Variants in TTLL7 observed in about 807,000 individuals in gnomAD.
TTLL7 encodes tubulin tyrosine ligase like 7, also known as tubulin polyglutamylase TTLL7.
A neutral mutation model predicts 120.2 loss-of-function variants in TTLL7; 53 were observed. The ratio of observed to expected loss-of-function variants is 0.44; its 90% CI spans 0.35 to 0.55. TTLL7 has a LOEUF of 0.55. Ranked by LOEUF, TTLL7 falls within the 20% of genes least tolerant of loss-of-function variation. The pLI, the probability that TTLL7 is intolerant of heterozygous loss-of-function variation, is 0.00. For synonymous variants in TTLL7, 353 were observed against 351.7 expected (o/e 1.00, Z -0.04); for missense variants, 803 against 1,054.7 (o/e 0.76, Z 3.31).
At chr1:83,874,862 G>C (rs1653782797) in intron 20 of TTLL7, among the ~76,000 whole-genome samples, 1 of 151,854 alleles carries the variant, frequency 6.6e-6, no homozygotes, top group Non-Finnish European at 1.5e-5. Flanking sequence ...CAATGAAATA[G>C]CGTACATGAA....
At chr1:83,988,253 T>C (rs1057210686) in intron 1 of TTLL7, among the ~76,000 whole-genome samples, 2 of 152,258 alleles carry the variant, frequency 1.3e-5, no homozygotes, top group African/African-American at 2.4e-5. Flanking sequence ...GGTGTATATG[T>C]ACCACATTTT....
intron 20 of TTLL7, among the ~76,000 whole-genome samples, chr1:83,881,552 C>A (rs987590254): frequency 3.3e-5 from 5 of 152,176 alleles, no homozygotes; most frequent in Admixed American, 2.0e-4. Context: ...CATCTCACAC[C>A]AGTTAGAATG....
At position 83,887,387 on chromosome 1, in the gene TTLL7, G is replaced by A. The variant is rs1418755809; in HGVS notation, c.2369+2934C>T. On this transcript the variant is annotated intron_variant, in intron 19 of 20. Coordinates refer to ENST00000260505, the MANE Select transcript of TTLL7 (RefSeq NM_024686.6). ...GGCCTTCGGACCAAAGGTTAAAGGA[G>A]TATACATTGAGAAGGCATGATTCAA... The A allele has an allele frequency of 1.4e-5, 4 of 295,646 alleles. No individual in the cohort carries two copies. In the Admixed American group the frequency reaches 1.9e-4, roughly 14 times the overall value. The allele number at this position is 295,646 out of a possible 1,614,324, so 18.3% of individuals were successfully genotyped here.
chr1:83,969,667 T>C (rs1431455991), intron 1 of TTLL7, among the ~76,000 whole-genome samples: 3 of 151,994 alleles, frequency 2.0e-5, no homozygotes, highest in African/African-American at 7.2e-5. Context: ...GTCTAAAATG[T>C]TGAAGCACAT....
rs770390715 is a variant in TTLL7, at chr1:83,882,993, G to C, written c.2513C>G (p.Ser838Ter). ...ATTACCCCAGTCAGGACCAATGCCT[G>C]AAAGTGATCCTCTTTTGTCAGTTGC... ...KYATDKRGSLSGIGPDWGNSR... is the reference protein window; with the variant it reads ...KYATDKRGSL The change falls in exon 20 of 21, where the codon TCA (serine) becomes TGA (stop). Residue 838 changes from serine to a stop codon, truncating the protein, a stop_gained. Coordinates refer to ENST00000260505, the MANE Select transcript of TTLL7 (RefSeq NM_024686.6). LOFTEE classifies it high-confidence loss of function. 6.2e-7 allele frequency: 1 copy of C among 1,612,530 alleles called. No individual in the cohort carries two copies.
At chr1:83,945,413 A>T (rs1355349030) in intron 6 of TTLL7, among the ~76,000 whole-genome samples, 2 of 152,360 alleles carry the variant, frequency 1.3e-5, no homozygotes, top group East Asian at 3.9e-4. Context: ...AAAAATATGT[A>T]ACAATTGGAA....
At chr1:83,967,220 T>C (rs1650546934) in intron 1 of TTLL7, among the ~76,000 whole-genome samples, 1 of 152,084 alleles carries the variant, frequency 6.6e-6, no homozygotes, top group Non-Finnish European at 1.5e-5. Flanking sequence ...GGATCTTAGA[T>C]GTGATTTTTA....
rs951296770 is a variant in TTLL7 at position 83,870,011 on chromosome 1, C to G, written c.2615G>C (p.Gly872Ala). The G allele has an allele frequency of 5.0e-6, 8 of 1,589,340 alleles. No individual in the cohort carries two copies. Among genetic ancestry groups the G allele is most frequent in the African/African-American group, 2.7e-5 (2 of 73,402 alleles). ...AAACAAAACATTGGAGCGAGTCATT[C>G]CAGGTGAATTGTACTTCAAGTTGTA... ...PTYNLKYNSP[G>A]MTRSNVLFTS... The change falls in exon 21 of 21, where the codon GGA becomes GCA. Residue 872 changes from glycine to alanine, a missense_variant. Coordinates refer to ENST00000260505, the MANE Select transcript of TTLL7 (RefSeq NM_024686.6).
At chr1:83,950,329 C>CT (rs1261755494) in intron 3 of TTLL7, among the ~76,000 whole-genome samples, 1 of 152,064 alleles carries the variant, frequency 6.6e-6, no homozygotes, top group East Asian at 1.9e-4. Context: ...CTTTTTATAG[C>CT]TTTTTTTATG....
intron 1 of TTLL7, among the ~76,000 whole-genome samples, chr1:83,964,623 C>A (rs1006658183): frequency 6.6e-6 from 1 of 152,052 alleles, no homozygotes. Context: ...ATACATTTTT[C>A]TTTCAGAGAA....
Position 83,890,426 on chromosome 1 carries a change from A to G in TTLL7, c.2264T>C (p.Val755Ala). The G allele has an allele frequency of 6.2e-7, 1 of 1,613,244 alleles. No homozygotes were observed. The highest frequency in any genetic ancestry group is 8.5e-7 in the Non-Finnish European group (1 of 1,179,474). The change falls in exon 19 of 21, where the codon GTG becomes GCG. Residue 755 changes from valine to alanine, a missense_variant. Coordinates refer to ENST00000260505, the MANE Select transcript of TTLL7 (RefSeq NM_024686.6). ...IRTVLPRIWK[V>A]PDVEEVNLYR... ...TAAATTTACTTCTTCAACATCAGGC[A>G]CCTTCCAGATGCGTGGAAGAACTGT...
chr1:83,937,178 C>A (rs1647475105), intron 8 of TTLL7, among the ~76,000 whole-genome samples: 1 of 151,548 alleles, frequency 6.6e-6, no homozygotes, highest in African/African-American at 2.4e-5. Context: ...CATTGTATTA[C>A]AATCGCCTAC....
chr1:83,921,178 T>C lies in TTLL7; in HGVS notation c.1291-18A>G. The C allele has an allele frequency of 6.2e-7, 1 of 1,609,912 alleles. No homozygotes were observed. Among genetic ancestry groups the C allele is most frequent in the Non-Finnish European group, 8.5e-7 (1 of 1,178,928 alleles). On this transcript the variant is annotated intron_variant, in intron 11 of 20. Coordinates refer to ENST00000260505, the MANE Select transcript of TTLL7 (RefSeq NM_024686.6). ...CTCTCTTTCTGGAAATGAGAAAAAT[T>C]TTACAAATAAAATCCAACAAGTGAA...
chr1:83,871,868 G>T (rs1414200418), intron 20 of TTLL7, among the ~76,000 whole-genome samples: 1 of 138,742 alleles, frequency 7.2e-6, no homozygotes, highest in Non-Finnish European at 1.5e-5. Flanking sequence ...CTGCACTTGA[G>T]CCTGGGCGAC....
chr1:83,912,373 AG>A (rs1298128787), intron 14 of TTLL7: 1 of 152,202 alleles, frequency 6.6e-6, no homozygotes, highest in East Asian at 1.9e-4. Flanking sequence ...CACATCAGAA[AG>A]AATGTGCATA....
At chr1:83,989,923 A>G (rs1652825181) in intron 1 of TTLL7, among the ~76,000 whole-genome samples, 1 of 151,768 alleles carries the variant, frequency 6.6e-6, no homozygotes, top group African/African-American at 2.4e-5. Flanking sequence ...TGTTGTTGTT[A>G]TTATTGATGT....
rs186315295 is a variant in TTLL7, at chr1:83,866,947, A to G, written c.*3015T>C. 3 of 152,012 alleles carry G rather than the reference A, an allele frequency of 2.0e-5. No individual in the cohort carries two copies. The highest frequency in any genetic ancestry group is 2.0e-4 in the Admixed American group (3 of 15,268). 9.4% of individuals were successfully genotyped at this position (152,012 alleles called of 1,614,324 possible). A position where few individuals can be genotyped will look rare whatever the true frequency, so the allele number is the denominator to read the frequency against. ...AGACATTTCTAGAAATTATTCAAAT[A>G]TTGCATAGTTCTAGAAAGCATTCCA... is the stretch of plus-strand genomic sequence containing the variant. On this transcript the variant is annotated 3_prime_UTR_variant, in exon 21 of 21. Transcript: ENST00000260505.
intron 7 of TTLL7, among the ~76,000 whole-genome samples, chr1:83,940,858 C>G (rs1647887237): frequency 6.6e-6 from 1 of 152,098 alleles, no homozygotes; most frequent in East Asian, 1.9e-4. Context: ...GGGACCATTC[C>G]TTCTTTCATT....
chr1:83,892,417 C>T (rs1372082779), intron 18 of TTLL7, among the ~76,000 whole-genome samples: 107 of 62,510 alleles, frequency 1.7e-3, no homozygotes, highest in South Asian at 6.4e-3. Flanking sequence ...TATATATGAA[C>T]ATATATATGA....
Sources: gnomAD v4.1 joint callset for allele counts (sites outside exome capture counted in the v4.1 genomes callset) on GRCh38, gnomAD v4.1.1 for gene constraint, MANE v1.5 for transcripts, NCBI Gene and HGNC (gene_info 2026-07-23, HGNC 2026-07-21) for gene names.